CCDC102B: variants seen among roughly 807,000 people sequenced by gnomAD.
CCDC102B encodes the protein coiled-coil domain-containing protein 102B.
CCDC102B carries 75 observed loss-of-function variants against 57.4 expected under a neutral mutation model. The observed-to-expected ratio is 1.31, with a 90% CI of 1.08 to 1.58. The LOEUF (loss-of-function observed/expected upper bound fraction) is 1.58, where lower values mean the gene tolerates loss of function less well. CCDC102B is among the 40% of genes most tolerant of loss of function. The pLI is 0.00. For synonymous variants in CCDC102B, 206 were observed against 201.9 expected, an observed-to-expected ratio of 1.02 and a Z score of -0.17; for missense variants, 636 against 582.6, an observed-to-expected ratio of 1.09 and a Z score of -0.94.
At chr18:68,905,147 A>G (rs1049843613) in intron 6 of CCDC102B, among the ~76,000 whole-genome samples, 10 of 148,784 alleles carry the variant, frequency 6.7e-5, no homozygotes, top group Non-Finnish European at 2.9e-5. Flanking sequence ...AACAGGTGAT[A>G]TGTTAACCCA....
chr18:68,780,623 A>G (rs2034975132), intron 2 of CCDC102B, among the ~76,000 whole-genome samples: 1 of 152,124 alleles, frequency 6.6e-6, no homozygotes, highest in Non-Finnish European at 1.5e-5. Flanking sequence ...CAGTGGAAAT[A>G]AGGTAGTATC....
chr18:68,853,782 C>G (rs2038254915), intron 4 of CCDC102B, among the ~76,000 whole-genome samples: 1 of 149,796 alleles, frequency 6.7e-6, no homozygotes, highest in Non-Finnish European at 1.5e-5. Context: ...CGGCCCTCTT[C>G]TTTGTAGTGC....
rs373067030 is a variant in CCDC102B at position 68,916,774 on chromosome 18, G to A, written c.1263+19346G>A. On this transcript the variant is annotated intron_variant, in intron 6 of 7. Transcript: ENST00000360242. The stretch of plus-strand genomic sequence containing the variant: ...TTCAATGTTACAAATTAGTACATTC[G>A]TTGCATTGCTTTCTCCTGGGAAATG... Among the ~76,000 whole-genome samples the A allele has an allele frequency of 1.6e-4, 24 of 152,284 alleles. No individual in the cohort carries two copies. The East Asian group carries it at 3.3e-3, about 21-fold the overall frequency.
At chr18:69,012,909 A>G (rs2051557770) in intron 7 of CCDC102B, among the ~76,000 whole-genome samples, 1 of 152,202 alleles carries the variant, frequency 6.6e-6, no homozygotes, top group South Asian at 2.1e-4. Context: ...AAATATTAAA[A>G]TAGATGACAC....
intron 5 of CCDC102B, among the ~76,000 whole-genome samples, chr18:68,893,273 T>C (rs1187575005): frequency 6.6e-6 from 1 of 152,104 alleles, no homozygotes; most frequent in Non-Finnish European, 1.5e-5. Flanking sequence ...TCTTATGTTA[T>C]AAAAAAGAAA....
chr18:68,729,911 G>T (rs974029220), intron 2 of CCDC102B, among the ~76,000 whole-genome samples: 1 of 152,138 alleles, frequency 6.6e-6, no homozygotes, highest in Non-Finnish European at 1.5e-5. Flanking sequence ...AAAATACAAA[G>T]CACCTAACAG....
intron 2 of CCDC102B, among the ~76,000 whole-genome samples, chr18:68,776,361 A>G (rs1419136226): frequency 6.6e-6 from 1 of 152,200 alleles, no homozygotes; most frequent in East Asian, 1.9e-4. Context: ...AGACACACGC[A>G]TGTGAGTGTT....
chr18:68,769,022 G>A (rs1424003228), intron 2 of CCDC102B, among the ~76,000 whole-genome samples: 1 of 152,074 alleles, frequency 6.6e-6, no homozygotes, highest in Non-Finnish European at 1.5e-5. Context: ...GGGAGGCCGA[G>A]GCAGGTGGAT....
Position 69,047,945 on chromosome 18 carries a change from T to G in CCDC102B, c.1435-6085T>G, listed in dbSNP as rs1479091784. 2.6e-5 allele frequency among the ~76,000 whole-genome samples: 4 copies of G among 152,270 alleles called. No individual in the cohort carries two copies. In the East Asian group the frequency reaches 7.7e-4, roughly 29 times the overall value. ...ACAGGAAGAATCAATATTGTATAAA[T>G]GGCCATACTGCCCAAAGCAACTTAC... On this transcript the variant is annotated intron_variant, in intron 7 of 7. Coordinates refer to ENST00000360242, the MANE Select transcript of CCDC102B (RefSeq NM_024781.3).
intron 4 of CCDC102B, among the ~76,000 whole-genome samples, chr18:68,863,387 A>T (rs2038844410): frequency 6.6e-6 from 1 of 151,932 alleles, no homozygotes; most frequent in East Asian, 1.9e-4. Context: ...AGACTTTTTC[A>T]TAGAAATGTG....
Position 69,018,179 on chromosome 18 carries a change from A to G in CCDC102B, c.1434+7075A>G, listed in dbSNP as rs2051721467. The stretch of plus-strand genomic sequence containing the variant: ...ACATGTTGCAATGAACATGGAGTGC[A>G]GGTATCTCTTTCAGATACTGATTTC... On this transcript the variant is annotated intron_variant, in intron 7 of 7. Coordinates refer to ENST00000360242, the MANE Select transcript of CCDC102B (RefSeq NM_024781.3). Among the ~76,000 whole-genome samples the G allele has an allele frequency of 3.3e-5, 5 of 152,376 alleles. No individual in the cohort carries two copies. In the South Asian group the frequency reaches 1.0e-3, roughly 32 times the overall value.
chr18:68,767,396 G>T (rs1285440784), intron 2 of CCDC102B, among the ~76,000 whole-genome samples: 1 of 152,224 alleles, frequency 6.6e-6, no homozygotes, highest in African/African-American at 2.4e-5. Context: ...CCAGCTGGCA[G>T]CTGTCTGCAA....
intron 2 of CCDC102B, among the ~76,000 whole-genome samples, chr18:68,779,738 T>C (rs2034944355): frequency 6.6e-6 from 1 of 152,056 alleles, no homozygotes; most frequent in African/African-American, 2.4e-5. Flanking sequence ...ATGAGTTACA[T>C]TATTGATTCT....
chr18:69,033,539 G>A (rs2052205881), intron 7 of CCDC102B, among the ~76,000 whole-genome samples: 1 of 152,004 alleles, frequency 6.6e-6, no homozygotes, highest in South Asian at 2.1e-4. Context: ...TGGATTCATA[G>A]AATATGTGAC....
At chr18:69,017,580 A>G (rs1568128139) in intron 7 of CCDC102B, among the ~76,000 whole-genome samples, 1 of 152,202 alleles carries the variant, frequency 6.6e-6, no homozygotes, top group African/African-American at 2.4e-5. Flanking sequence ...TGATGACCTG[A>G]CATAAATAGC....
chr18:68,937,140 A>G (rs1816383643), intron 6 of CCDC102B, among the ~76,000 whole-genome samples: 1 of 151,976 alleles, frequency 6.6e-6, no homozygotes, highest in Admixed American at 6.6e-5. Context: ...CAACACTATA[A>G]CTCATAGGGA....
chr18:68,939,388 G>A (rs140050057), intron 6 of CCDC102B, among the ~76,000 whole-genome samples: 4 of 151,568 alleles, frequency 2.6e-5, no homozygotes, highest in African/African-American at 9.7e-5. Context: ...AATTTCAGGG[G>A]TATTTTTTAA....
At chr18:68,881,258 G>A (rs1040358137) in intron 5 of CCDC102B, among the ~76,000 whole-genome samples, 4 of 152,160 alleles carry the variant, frequency 2.6e-5, no homozygotes, top group African/African-American at 9.7e-5. Flanking sequence ...ATTAATGGAA[G>A]ATGCATAAAG....
intron 7 of CCDC102B, among the ~76,000 whole-genome samples, chr18:69,016,695 G>A (rs963430173): frequency 6.6e-6 from 1 of 152,154 alleles, no homozygotes; most frequent in African/African-American, 2.4e-5. Flanking sequence ...TTCAAGCAAT[G>A]TAATATGTAT....
Sources: gnomAD v4.1 joint callset for allele counts (sites outside exome capture counted in the v4.1 genomes callset) on GRCh38, gnomAD v4.1.1 for gene constraint, MANE v1.5 for transcripts, NCBI Gene and HGNC (gene_info 2026-07-23, HGNC 2026-07-21) for gene names.